The following CTNNA3 variants were observed in gnomAD, a reference collection of about 807,000 sequenced individuals.
CTNNA3 encodes catenin alpha-3.
A neutral mutation model predicts 95.7 loss-of-function variants in CTNNA3; 76 were observed. That is an observed-to-expected ratio of 0.79 (90% CI 0.66 to 0.96). The LOEUF is 0.96. Among genes scored for constraint, CTNNA3 ranks in the 40% least tolerant of loss-of-function variants. The probability of loss-of-function intolerance (pLI) is 0.00; values close to 1 mark genes in which losing one functional copy is unlikely to be tolerated. For missense variants in CTNNA3, 1,191 were observed against 1,089.8 expected, an observed-to-expected ratio of 1.09 and a Z score of -1.31; for synonymous variants, 431 against 374.4, an observed-to-expected ratio of 1.15 and a Z score of -1.74.
intron 13 of CTNNA3, among the ~76,000 whole-genome samples, chr10:66,171,753 G>T (rs1291626854): frequency 6.6e-6 from 1 of 151,980 alleles, no homozygotes; most frequent in African/African-American, 2.4e-5. Context: ...GAAACTTGGA[G>T]CCATGATTTT....
At chr10:66,316,409 T>G (rs1323821905) in intron 12 of CTNNA3, among the ~76,000 whole-genome samples, 1 of 152,064 alleles carries the variant, frequency 6.6e-6, no homozygotes, top group African/African-American at 2.4e-5. Flanking sequence ...TACAGTAATA[T>G]ATATTAATTA....
intron 1 of CTNNA3, chr10:67,750,397 A>T: frequency 4.7e-6 from 7 of 1,489,386 alleles, no homozygotes; most frequent in Non-Finnish European, 6.6e-6. Flanking sequence ...CCATTGATGC[A>T]GGATATCGCC....
At chr10:67,750,528 C>T (rs1841401321) in intron 1 of CTNNA3, 1 of 1,576,878 alleles carries the variant, frequency 6.3e-7, no homozygotes, top group African/African-American at 1.3e-5. Context: ...TTGTGGCCCA[C>T]TTTCTTTGAG....
rs561664151 is a variant in CTNNA3 at position 67,060,826 on chromosome 10, A to G, written c.1047+119491T>C. On this transcript the variant is annotated intron_variant, in intron 7 of 17. Coordinates refer to ENST00000433211, the MANE Select transcript of CTNNA3 (RefSeq NM_013266.4). ...TCTCCCAGTACAAATGGTTGTGTAC[A>G]TATATGACATGAAAAAGAAATACAT... 4.0e-5 allele frequency among the ~76,000 whole-genome samples: 6 copies of G among 150,932 alleles called. No homozygotes were observed. The East Asian group carries it at 1.2e-3, about 29-fold the overall frequency.
At chr10:67,603,047 C>T (rs1843138783) in intron 3 of CTNNA3, among the ~76,000 whole-genome samples, 1 of 152,180 alleles carries the variant, frequency 6.6e-6, no homozygotes, top group Non-Finnish European at 1.5e-5. Flanking sequence ...AATTAACTAA[C>T]AGTCATGATT....
chr10:66,106,719 C>T (rs908056706), intron 13 of CTNNA3, among the ~76,000 whole-genome samples: 2 of 152,146 alleles, frequency 1.3e-5, no homozygotes, highest in African/African-American at 2.4e-5. Flanking sequence ...CCAATATACA[C>T]CTTTATATTT....
chr10:66,092,794 C>T (rs72793471), intron 14 of CTNNA3, among the ~76,000 whole-genome samples: 10,576 of 151,924 alleles, frequency 0.07, 587 homozygotes, highest in East Asian at 0.2. Context: ...GCTTAAATCA[C>T]AGAAGTTCTA....
chr10:67,547,808 T>C (rs1019292390), intron 3 of CTNNA3, among the ~76,000 whole-genome samples: 8 of 152,168 alleles, frequency 5.3e-5, no homozygotes, highest in African/African-American at 1.9e-4. Flanking sequence ...AATAAAACAT[T>C]TAGGAATAAA....
chr10:66,288,133 G>T (rs1179783330), intron 12 of CTNNA3, among the ~76,000 whole-genome samples: 1 of 151,974 alleles, frequency 6.6e-6, no homozygotes, highest in African/African-American at 2.4e-5. Context: ...ATATATATGT[G>T]TATTATTTTT....
At chr10:66,820,688 C>CG (rs1842277249) in intron 7 of CTNNA3, among the ~76,000 whole-genome samples, 1 of 149,640 alleles carries the variant, frequency 6.7e-6, no homozygotes, top group African/African-American at 2.5e-5. Flanking sequence ...ATATTGGTGA[C>CG]GGGATCATGA....
intron 17 of CTNNA3, among the ~76,000 whole-genome samples, chr10:65,948,698 TTC>T (rs2077563486): frequency 6.6e-6 from 1 of 152,204 alleles, no homozygotes; most frequent in Admixed American, 6.5e-5. Context: ...ATTTGAACAT[TTC>T]TGTCTTTTAC....
At chr10:67,481,024 T>A (rs1455492624) in intron 5 of CTNNA3, among the ~76,000 whole-genome samples, 1 of 152,224 alleles carries the variant, frequency 6.6e-6, no homozygotes, top group Admixed American at 6.5e-5. Flanking sequence ...TAGATTTTAT[T>A]AAAAGGTTTT....
At chr10:67,058,963 T>A (rs1341753665) in intron 7 of CTNNA3, among the ~76,000 whole-genome samples, 1 of 152,214 alleles carries the variant, frequency 6.6e-6, no homozygotes. Context: ...CAAGAAATTA[T>A]TTTTATCATG....
intron 7 of CTNNA3, among the ~76,000 whole-genome samples, chr10:67,174,449 C>T (rs1307994358): frequency 6.6e-6 from 1 of 152,104 alleles, no homozygotes; most frequent in Non-Finnish European, 1.5e-5. Context: ...CCAAACTTAA[C>T]TTGTCAAGAA....
At chr10:67,332,671 ATATCTATC>A (rs67323567) in intron 5 of CTNNA3, among the ~76,000 whole-genome samples, 1 of 151,540 alleles carries the variant, frequency 6.6e-6, no homozygotes, top group Non-Finnish European at 1.5e-5. Context: ...CTGTTAGCCT[ATATCTATC>A]TCTTTTTCTT....
intron 16 of CTNNA3, among the ~76,000 whole-genome samples, chr10:65,970,636 A>T (rs2078076036): frequency 6.7e-6 from 1 of 149,404 alleles, no homozygotes; most frequent in African/African-American, 2.4e-5. Context: ...TATATTAGAT[A>T]AAATATATGT....
At chr10:65,948,702 G>T (rs1264793617) in intron 17 of CTNNA3, among the ~76,000 whole-genome samples, 2 of 152,098 alleles carry the variant, frequency 1.3e-5, no homozygotes, top group Non-Finnish European at 2.9e-5. Context: ...GAACATTTCT[G>T]TCTTTTACAG....
At chr10:66,226,317 C>T (rs891659729) in intron 13 of CTNNA3, among the ~76,000 whole-genome samples, 1 of 152,104 alleles carries the variant, frequency 6.6e-6, no homozygotes, top group African/African-American at 2.4e-5. Context: ...CTGCCATTTT[C>T]CCAATGCCTA....
chr10:67,733,635 TG>T (rs1841288051), intron 1 of CTNNA3, among the ~76,000 whole-genome samples: 1 of 152,238 alleles, frequency 6.6e-6, no homozygotes. Context: ...CTTTCATTAC[TG>T]GAGCATGTTC....
Sources: allele counts gnomAD v4.1 joint callset (sites outside exome capture counted in the v4.1 genomes callset), GRCh38; gene constraint gnomAD v4.1.1; transcripts MANE v1.5; gene names NCBI Gene and HGNC (gene_info 2026-07-23, HGNC 2026-07-21).